TUSC3: variants seen among roughly 807,000 people sequenced by gnomAD.
TUSC3 encodes dolichyl-diphosphooligosaccharide--protein glycosyltransferase subunit TUSC3.
TUSC3 carries 45 observed loss-of-function variants against 44.8 expected under a neutral mutation model. The observed-to-expected ratio is 1.00, with a 90% CI of 0.79 to 1.29. The LOEUF (loss-of-function observed/expected upper bound fraction) is 1.29. TUSC3 is among the 50% of genes most tolerant of loss of function. The pLI is 0.00. For synonymous variants in TUSC3, 212 were observed against 152.9 expected, an observed-to-expected ratio of 1.39 and a Z score of -2.85; for missense variants, 519 against 437.9, an observed-to-expected ratio of 1.19 and a Z score of -1.65.
chr8:15,605,459 C>T (rs1004681106), intron 1 of TUSC3, among the ~76,000 whole-genome samples: 18 of 151,890 alleles, frequency 1.2e-4, no homozygotes, highest in African/African-American at 4.3e-4. Context: ...TATTGATTTG[C>T]TACACAGTTG....
chr8:15,571,535 T>C (rs1161587054), intron 1 of TUSC3, among the ~76,000 whole-genome samples: 2 of 152,200 alleles, frequency 1.3e-5, no homozygotes, highest in East Asian at 1.9e-4. Flanking sequence ...CAGTGAGTTA[T>C]AATCCTTTTG....
chr8:15,484,944 C>T (rs1800715557), intron 2 of TUSC3, among the ~76,000 whole-genome samples: 2 of 152,248 alleles, frequency 1.3e-5, no homozygotes, highest in Middle Eastern at 3.4e-3. Context: ...TATTGAGTAA[C>T]TTGAACTTTG....
chr8:15,480,484 A>C (rs1358598136), intron 1 of TUSC3, among the ~76,000 whole-genome samples: 1 of 152,244 alleles, frequency 6.6e-6, no homozygotes, highest in African/African-American at 2.4e-5. Flanking sequence ...TCCTACATCA[A>C]GTACAACTTC....
chr8:15,594,692 A>T (rs1436479027), intron 1 of TUSC3, among the ~76,000 whole-genome samples: 1 of 152,206 alleles, frequency 6.6e-6, no homozygotes, highest in African/African-American at 2.4e-5. Flanking sequence ...TGGTGGGAAC[A>T]GGCACTATTA....
chr8:15,451,902 A>G (rs753998489), intron 1 of TUSC3, among the ~76,000 whole-genome samples: 2 of 152,148 alleles, frequency 1.3e-5, no homozygotes, highest in Non-Finnish European at 2.9e-5. Flanking sequence ...AAGTGTTGTG[A>G]GAGTATAGAA....
At chr8:15,440,003 A>C (rs1799999498) in intron 1 of TUSC3, among the ~76,000 whole-genome samples, 1 of 152,346 alleles carries the variant, frequency 6.6e-6, no homozygotes, top group East Asian at 1.9e-4. Flanking sequence ...AGGCACAGGG[A>C]TAAGTAAAGG....
chr8:15,417,500 G>C (rs966757814), intron 1 of TUSC3, among the ~76,000 whole-genome samples: 1 of 152,130 alleles, frequency 6.6e-6, no homozygotes, highest in Non-Finnish European at 1.5e-5. Flanking sequence ...GCATAGACTT[G>C]GATCCTGACC....
chr8:15,605,777 T>C (rs994943246), intron 1 of TUSC3, among the ~76,000 whole-genome samples: 5 of 151,900 alleles, frequency 3.3e-5, no homozygotes, highest in African/African-American at 1.2e-4. Context: ...CCACTTGCAG[T>C]TGAGGGAAAT....
intron 6 of TUSC3, among the ~76,000 whole-genome samples, chr8:15,729,492 TA>T (rs1810627162): frequency 1.3e-5 from 2 of 152,068 alleles, no homozygotes; most frequent in Admixed American, 6.6e-5. Context: ...TGGACTGGAT[TA>T]AAAAAATGTG....
At chr8:15,687,959 T>C (rs553692487) in intron 6 of TUSC3, among the ~76,000 whole-genome samples, 38 of 152,268 alleles carry the variant, frequency 2.5e-4, no homozygotes, top group African/African-American at 8.7e-4. Context: ...CTTCATCTAA[T>C]ACAGTTAATT....
intron 1 of TUSC3, among the ~76,000 whole-genome samples, chr8:15,570,954 G>GTTTGTTTTTTTTTTTTTTTT (rs1802850556): frequency 2.2e-5 from 1 of 44,494 alleles, no homozygotes; most frequent in Non-Finnish European, 5.2e-5. Context: ...TTGCCTATTA[G>GTTTGTTTTTTTTTTTTTTTT]TTTTTTTTTT....
the TUSC3 span, among the ~76,000 whole-genome samples, chr8:15,819,314 A>G: frequency 2.0e-5 from 3 of 152,120 alleles, no homozygotes; most frequent in African/African-American, 4.8e-5. Context: ...CTTTAATTTT[A>G]CAGAATTAAA....
intron 6 of TUSC3, among the ~76,000 whole-genome samples, chr8:15,710,387 T>A (rs1809793433): frequency 6.6e-6 from 1 of 151,850 alleles, no homozygotes; most frequent in Non-Finnish European, 1.5e-5. Context: ...GTATAGGGCC[T>A]CGTGCTATTT....
the TUSC3 span, among the ~76,000 whole-genome samples, chr8:15,810,139 T>C: frequency 6.6e-6 from 1 of 152,098 alleles, no homozygotes; most frequent in African/African-American, 2.4e-5. Context: ...ACCTGCAGAC[T>C]TGGGGGAAAC....
At chr8:15,771,982 G>T in the TUSC3 span, among the ~76,000 whole-genome samples, 1 of 152,054 alleles carries the variant, frequency 6.6e-6, no homozygotes, top group Non-Finnish European at 1.5e-5. Context: ...CCAGCTACCT[G>T]GGAGGCTGAG....
At chr8:15,465,207 T>C (rs1284411605) in intron 1 of TUSC3, among the ~76,000 whole-genome samples, 1 of 152,170 alleles carries the variant, frequency 6.6e-6, no homozygotes, top group Non-Finnish European at 1.5e-5. Flanking sequence ...CATTGCCAAA[T>C]GTATCATTAT....
intron 1 of TUSC3, among the ~76,000 whole-genome samples, chr8:15,420,503 GA>G (rs879409025): frequency 3.3e-4 from 47 of 144,020 alleles, no homozygotes; most frequent in African/African-American, 4.5e-4. Context: ...GTCTCATAAA[GA>G]AAAAAAAAAA....
At chr8:15,839,931 C>T in the TUSC3 span, among the ~76,000 whole-genome samples, 6 of 152,088 alleles carry the variant, frequency 3.9e-5, no homozygotes, top group African/African-American at 7.2e-5. Flanking sequence ...TGCACACATA[C>T]GTTTACTGTG....
chr8:15,474,207 C>T (rs953940737), intron 1 of TUSC3, among the ~76,000 whole-genome samples: 3 of 152,130 alleles, frequency 2.0e-5, no homozygotes, highest in Non-Finnish European at 4.4e-5. Context: ...TGGTTGTCTT[C>T]CCTTGTTCCC....
Sources: allele counts gnomAD v4.1 joint callset (sites outside exome capture counted in the v4.1 genomes callset), GRCh38; gene constraint gnomAD v4.1.1; transcripts MANE v1.5; gene names NCBI Gene and HGNC (gene_info 2026-07-23, HGNC 2026-07-21).